Variants in KRABD2 observed in about 807,000 individuals in gnomAD.
KRABD2 encodes the protein KRAB domain-containing protein 2.
the KRABD2 span, among the ~76,000 whole-genome samples, chr17:8,361,835 A>G: frequency 2.8e-4 from 42 of 152,268 alleles, no homozygotes; most frequent in African/African-American, 4.3e-4. Context: ...ACCTGGCCCA[A>G]TGGAGATTCT....
the KRABD2 span, chr17:8,370,203 T>C: frequency 1.2e-6 from 2 of 1,613,052 alleles, no homozygotes; most frequent in Non-Finnish European, 1.7e-6. Context: ...CTTTATTGTT[T>C]GAAAGTACTT....
At chr17:8,368,962 C>T in the KRABD2 span, 18 of 1,143,274 alleles carry the variant, frequency 1.6e-5, no homozygotes, top group African/African-American at 3.1e-5. Context: ...TTATGGCAGC[C>T]CTAAGAATAA....
chr17:8,366,388 A>C, the KRABD2 span, among the ~76,000 whole-genome samples: 4 of 151,930 alleles, frequency 2.6e-5, no homozygotes, highest in African/African-American at 4.8e-5. Flanking sequence ...TCTCAGGCCA[A>C]CTCTTGCATT....
At chr17:8,365,104 C>G in the KRABD2 span, among the ~76,000 whole-genome samples, 1 of 152,112 alleles carries the variant, frequency 6.6e-6, no homozygotes, top group Non-Finnish European at 1.5e-5. Context: ...CTGTGGCACA[C>G]CGGTTAGTGA....
At chr17:8,376,378 A>G in the KRABD2 span, 3 of 1,182,746 alleles carry the variant, frequency 2.5e-6, no homozygotes, top group Non-Finnish European at 2.1e-6. Flanking sequence ...ATCACAATCG[A>G]TTGCTATGAA....
chr17:8,374,937 CAAAA>C, the KRABD2 span, among the ~76,000 whole-genome samples: 40 of 46,172 alleles, frequency 8.7e-4, no homozygotes, highest in African/African-American at 2.4e-3. Context: ...GACTCTGTCA[CAAAA>C]AAAAAAAAAA....
the KRABD2 span, chr17:8,373,775 TGCC>T: frequency 6.1e-6 from 1 of 164,448 alleles, no homozygotes; most frequent in Admixed American, 6.5e-5. Flanking sequence ...GGAGCGCCTC[TGCC>T]CCGCCGCCCC....
chr17:8,368,076 G>C, the KRABD2 span, among the ~76,000 whole-genome samples: 2 of 150,078 alleles, frequency 1.3e-5, no homozygotes, highest in South Asian at 4.2e-4. Flanking sequence ...AATATAAGGA[G>C]ACCCTATCTC....
the KRABD2 span, chr17:8,376,561 C>T: frequency 9.1e-6 from 9 of 987,264 alleles, no homozygotes; most frequent in Non-Finnish European, 1.1e-5. Context: ...GCCCGTCCAC[C>T]CGCCAGCTCA....
the KRABD2 span, chr17:8,376,698 C>T: frequency 1.0e-6 from 1 of 984,472 alleles, no homozygotes; most frequent in Non-Finnish European, 1.2e-6. Flanking sequence ...CCCCGAGCAG[C>T]AACTCCGCCC....
chr17:8,358,931 T>A, the KRABD2 span, among the ~76,000 whole-genome samples: 1 of 152,196 alleles, frequency 6.6e-6, no homozygotes, highest in African/African-American at 2.4e-5. Flanking sequence ...AATATTATAC[T>A]CTTCAGACAA....
At chr17:8,369,336 G>T in the KRABD2 span, 4 of 1,614,050 alleles carry the variant, frequency 2.5e-6, no homozygotes, top group African/African-American at 5.3e-5. Flanking sequence ...AGTTTCCCGG[G>T]GCAAGTTTGA....
At chr17:8,373,090 T>G in the KRABD2 span, among the ~76,000 whole-genome samples, 2 of 152,126 alleles carry the variant, frequency 1.3e-5, no homozygotes, top group African/African-American at 4.8e-5. Context: ...TTAAAAAAAT[T>G]TGTCTCCCTC....
the KRABD2 span, chr17:8,369,586 G>T: frequency 6.2e-7 from 1 of 1,614,202 alleles, no homozygotes; most frequent in Non-Finnish European, 8.5e-7. Context: ...TTTAGGTCTG[G>T]CCACAACTCA....
the KRABD2 span, among the ~76,000 whole-genome samples, chr17:8,374,508 G>A: frequency 1.8e-3 from 276 of 151,594 alleles, 4 homozygotes; most frequent in Middle Eastern, 0.037. Flanking sequence ...AGGGTCCTCT[G>A]CCTAGGAAAA....
chr17:8,368,565 A>G, the KRABD2 span: 18 of 151,898 alleles, frequency 1.2e-4, no homozygotes, highest in African/African-American at 3.9e-4. Context: ...CCTTACTAAC[A>G]CTTTAATTTC....
the KRABD2 span, among the ~76,000 whole-genome samples, chr17:8,367,662 CAA>C: frequency 5.1e-4 from 48 of 94,126 alleles, no homozygotes; most frequent in East Asian, 6.7e-4. Flanking sequence ...GACCCTGTCT[CAA>C]AAAAAAAAAA....
chr17:8,361,250 T>C, the KRABD2 span, among the ~76,000 whole-genome samples: 1 of 152,080 alleles, frequency 6.6e-6, no homozygotes, highest in Non-Finnish European at 1.5e-5. Flanking sequence ...CAGGCTGGGG[T>C]TCTAGAAGAG....
chr17:8,362,874 G>A, the KRABD2 span, among the ~76,000 whole-genome samples: 13 of 152,136 alleles, frequency 8.5e-5, no homozygotes, highest in African/African-American at 3.1e-4. This position sits in a 1 kb window ranked among gnomAD's most constrained non-coding sequence, Gnocchi z 4.2. Flanking sequence ...AGAGTGAGGT[G>A]GCATTTTTAT....
Sources: gnomAD v4.1 joint callset for allele counts (sites outside exome capture counted in the v4.1 genomes callset) on GRCh38, gnomAD v4.1.1 for gene constraint, Gnocchi (gnomAD v3.1) non-coding constraint, MANE v1.5 for transcripts, NCBI Gene and HGNC (gene_info 2026-07-23, HGNC 2026-07-21) for gene names.